The following PDS5A variants were observed in gnomAD, a reference collection of about 807,000 sequenced individuals.
The protein encoded by PDS5A is PDS5 cohesin associated factor A.
In PDS5A, 42 loss-of-function variants were observed where a neutral mutation model predicts 167.1. The ratio of observed to expected loss-of-function variants is 0.25; its 90% CI spans 0.20 to 0.33. The LOEUF (loss-of-function observed/expected upper bound fraction) is 0.33. Among genes scored for constraint, PDS5A ranks in the 10% least tolerant of loss-of-function variants. The pLI is 1.00. For missense variants in PDS5A, 1,033 were observed against 1,605.9 expected (o/e 0.64, Z 6.10); for synonymous variants, 553 against 554.6 (o/e 1.00, Z 0.04).
Position 39,869,421 on chromosome 4 carries a change from T to G in PDS5A, c.2478A>C (p.Glu826Asp). ...EKNGKLWSPD[E>D]EVSPEVLAKV... ...TTGCTAGTACTTCAGGGGAAACCTC[T>G]TCATCTGGAGACCACAGTTTTCCAT... is the stretch of plus-strand genomic sequence containing the variant. The change falls in exon 22 of 33, where the codon GAA (glutamate) becomes GAC (aspartate). Residue 826 changes from glutamate (E) to aspartate (D), a missense_variant. Physicochemically the swap from Glu to Asp is conservative, Grantham distance 45 (BLOSUM62 2). Coordinates refer to ENST00000303538, the MANE Select transcript of PDS5A (RefSeq NM_001100399.2). 3 of 1,604,536 alleles carry G rather than the reference T, an allele frequency of 1.9e-6. No homozygotes were observed. Among genetic ancestry groups the G allele is most frequent in the Non-Finnish European group, 1.7e-6 (2 of 1,171,244 alleles).
intron 2 of PDS5A, among the ~76,000 whole-genome samples, chr4:39,969,418 G>C (rs1270080262): frequency 1.3e-5 from 2 of 152,160 alleles, no homozygotes; most frequent in African/African-American, 4.8e-5. Context: ...CCTAATCCCA[G>C]CACTTTGGGA....
chr4:39,844,660 A>T lies in PDS5A; in HGVS notation c.3544T>A (p.Ser1182Thr). The change falls in exon 30 of 33, where the codon TCA (serine) becomes ACA (threonine). Residue 1182 changes from serine (S) to threonine (T), a missense_variant. Coordinates refer to ENST00000303538, the MANE Select transcript of PDS5A (RefSeq NM_001100399.2). ...SELNPSTGNR[S>T]REQSSEAAET... ...ATAATTGGAGAGAAAAGTTGCCTTGATCGATTTCCGGTTGAAGGGTTCAGC... is the reference window on the plus strand; with the variant it reads ...ATAATTGGAGAGAAAAGTTGCCTTGTTCGATTTCCGGTTGAAGGGTTCAGC... 6.2e-7 allele frequency: 1 copy of T among 1,604,560 alleles called. No homozygotes were observed. Among genetic ancestry groups the T allele is most frequent in the Non-Finnish European group, 8.5e-7 (1 of 1,177,352 alleles).
chr4:39,845,539 C>A (rs1469191402), intron 29 of PDS5A, among the ~76,000 whole-genome samples: 2 of 152,036 alleles, frequency 1.3e-5, no homozygotes, highest in African/African-American at 2.4e-5. Context: ...ATCTTATATA[C>A]CTAAGTTGGT....
At chr4:39,902,766 G>A (rs530352925) in intron 12 of PDS5A, among the ~76,000 whole-genome samples, 2 of 152,206 alleles carry the variant, frequency 1.3e-5, no homozygotes, top group South Asian at 2.1e-4. Flanking sequence ...CAGGCAATCC[G>A]CCTGCCTTAG....
intron 2 of PDS5A, among the ~76,000 whole-genome samples, chr4:39,969,415 C>T (rs1730290246): frequency 6.6e-6 from 1 of 152,166 alleles, no homozygotes; most frequent in Non-Finnish European, 1.5e-5. Context: ...CGCCCTAATC[C>T]CAGCACTTTG....
chr4:39,930,246 A>AAAAAAAAAAAAATTTTTTTTT, intron 2 of PDS5A, among the ~76,000 whole-genome samples: 9 of 93,164 alleles, frequency 9.7e-5, no homozygotes, highest in Non-Finnish European at 1.1e-4. Flanking sequence ...AAAAAAAAAA[A>AAAAAAAAAAAAATTTTTTTTT]GTTTTTTTGT....
chr4:39,874,506 G>A (rs958027281), intron 19 of PDS5A, 94 bp from the exon 20 acceptor site: 44 of 971,930 alleles, frequency 4.5e-5, no homozygotes, highest in Non-Finnish European at 5.5e-5. Context: ...ATGGATGGAT[G>A]CTAGTAGAGA....
At chr4:39,958,134 C>T (rs928965559) in intron 2 of PDS5A, among the ~76,000 whole-genome samples, 21 of 152,234 alleles carry the variant, frequency 1.4e-4, no homozygotes, top group Middle Eastern at 3.4e-3. Context: ...TCAAGTGATC[C>T]GTCTGCCTTT....
intron 2 of PDS5A, among the ~76,000 whole-genome samples, chr4:39,963,696 G>A (rs1042396275): frequency 1.3e-5 from 2 of 151,932 alleles, no homozygotes; most frequent in Non-Finnish European, 2.9e-5. Flanking sequence ...GCCCAGCATG[G>A]TGGTGCATGC....
rs117844247 is a variant in PDS5A, at chr4:39,831,244, G to A, written c.4011-5756C>T. The stretch of plus-strand genomic sequence containing the variant: ...CTACTGAGTAGCTGGGACTAGAGGC[G>A]CGTGCGCCACCATGCCCGGCTAAAT... On this transcript the variant is annotated intron_variant, in intron 32 of 32. Coordinates refer to ENST00000303538, the MANE Select transcript of PDS5A (RefSeq NM_001100399.2). 2.1e-4 allele frequency among the ~76,000 whole-genome samples: 32 copies of A among 152,316 alleles called. No homozygotes were observed. In the East Asian group the frequency reaches 5.4e-3, roughly 26 times the overall value.
intron 2 of PDS5A, among the ~76,000 whole-genome samples, chr4:39,962,547 T>G (rs1186657402): frequency 6.6e-6 from 1 of 152,050 alleles, no homozygotes; most frequent in Non-Finnish European, 1.5e-5. Flanking sequence ...GGATCATGCC[T>G]GTAAACCTAG....
chr4:39,844,159 A>G (rs1357669716), intron 30 of PDS5A, among the ~76,000 whole-genome samples: 1 of 151,916 alleles, frequency 6.6e-6, no homozygotes, highest in African/African-American at 2.4e-5. Context: ...CTTAAAAAAA[A>G]ATTACATAAA....
intron 2 of PDS5A, among the ~76,000 whole-genome samples, chr4:39,938,400 C>A (rs780034704): frequency 1.2e-4 from 18 of 151,920 alleles, no homozygotes; most frequent in Non-Finnish European, 2.5e-4. Flanking sequence ...ACTAAAAATA[C>A]AAAAATCAGC....
At position 39,927,849 on chromosome 4, in the gene PDS5A, G is replaced by A; in HGVS notation, c.342+112C>T. 1.1e-5 allele frequency: 8 copies of A among 715,342 alleles called. No individual in the cohort carries two copies. In the South Asian group the frequency reaches 1.6e-4, roughly 14 times the overall value. 44.3% of individuals were successfully genotyped at this position (715,342 alleles called of 1,614,324 possible). A position where few individuals can be genotyped will look rare whatever the true frequency, so the allele number is the denominator to read the frequency against. On this transcript the variant is annotated intron_variant, in intron 3 of 32. Coordinates refer to ENST00000303538, the MANE Select transcript of PDS5A (RefSeq NM_001100399.2). ...GCAACTTACAATATATTCTTAAGAT[G>A]AAGAGACTAATATGAAACCTATGTT...
chr4:39,950,009 G>A (rs1728196183), intron 2 of PDS5A, among the ~76,000 whole-genome samples: 1 of 151,764 alleles, frequency 6.6e-6, no homozygotes, highest in Non-Finnish European at 1.5e-5. Context: ...GAGTTTAAGT[G>A]ATTCTCCTGC....
chr4:39,876,015 T>C (rs1720432601), intron 19 of PDS5A, among the ~76,000 whole-genome samples: 1 of 152,086 alleles, frequency 6.6e-6, no homozygotes, highest in Admixed American at 6.6e-5. Flanking sequence ...TTATCTCCTT[T>C]CTTCTCCATT....
intron 2 of PDS5A, among the ~76,000 whole-genome samples, chr4:39,963,323 G>A (rs1729672508): frequency 6.6e-6 from 1 of 151,980 alleles, no homozygotes; most frequent in South Asian, 2.1e-4. Flanking sequence ...GCCGGGCATG[G>A]TGGCAGGCAC....
intron 17 of PDS5A, among the ~76,000 whole-genome samples, chr4:39,881,006 A>C (rs1004077821): frequency 1.3e-5 from 2 of 151,258 alleles, no homozygotes; most frequent in African/African-American, 4.9e-5. Context: ...TGCTTCTGAG[A>C]GATCTACTTT....
intron 26 of PDS5A, among the ~76,000 whole-genome samples, chr4:39,850,404 C>T (rs1718025689): frequency 1.3e-5 from 2 of 151,806 alleles, no homozygotes; most frequent in South Asian, 2.1e-4. Flanking sequence ...GTGGGAGGAT[C>T]GCTTGTGGTT....
Sources: gnomAD v4.1 joint callset for allele counts (sites outside exome capture counted in the v4.1 genomes callset) on GRCh38, gnomAD v4.1.1 for gene constraint, MANE v1.5 for transcripts, NCBI Gene and HGNC (gene_info 2026-07-23, HGNC 2026-07-21) for gene names.